TBC1D5: variants seen among roughly 807,000 people sequenced by gnomAD.
TBC1D5 encodes TBC1 domain family member 5, also known as TBC1 domain family, member 5.
Under a neutral mutation model 100.3 loss-of-function variants are expected in TBC1D5, and 75 were observed. The observed-to-expected ratio is 0.75, with a 90% confidence interval of 0.62 to 0.91. TBC1D5 has a LOEUF of 0.91. Ranked by LOEUF, TBC1D5 falls within the 40% of genes least tolerant of loss-of-function variation. TBC1D5 has a pLI of 0.00. For missense variants in TBC1D5, 910 were observed against 942.4 expected (o/e 0.97, Z 0.45); for synonymous variants, 323 against 325.6 (o/e 0.99, Z 0.09).
chr3:17,556,161 T>C (rs1255719411), intron 2 of TBC1D5, among the ~76,000 whole-genome samples: 2 of 152,032 alleles, frequency 1.3e-5, no homozygotes, highest in South Asian at 2.1e-4. Flanking sequence ...ACTACAGGTA[T>C]GTACCACCAC....
intron 2 of TBC1D5, among the ~76,000 whole-genome samples, chr3:17,579,205 C>T (rs2096676505): frequency 6.6e-6 from 1 of 151,932 alleles, no homozygotes; most frequent in Non-Finnish European, 1.5e-5. Context: ...GTTGTTCACA[C>T]TACAAACTAG....
At chr3:17,271,989 A>C (rs781140090) in intron 15 of TBC1D5, among the ~76,000 whole-genome samples, 1 of 152,216 alleles carries the variant, frequency 6.6e-6, no homozygotes, top group Non-Finnish European at 1.5e-5. Flanking sequence ...GAAAAGGGAA[A>C]TATCACCTAC....
chr3:17,404,753 T>G, exon 7 of TBC1D5: 1 of 1,608,166 alleles, frequency 6.2e-7, no homozygotes. Flanking sequence ...ACAACCTTCC[T>G]CGGGTTGGTA....
chr3:17,620,290 C>G (rs1297919704), intron 2 of TBC1D5, among the ~76,000 whole-genome samples: 4 of 152,292 alleles, frequency 2.6e-5, no homozygotes, highest in African/African-American at 9.6e-5. Flanking sequence ...TAGTATTTGC[C>G]CCTTCAACCA....
chr3:17,310,531 T>C (rs756234897), intron 13 of TBC1D5, among the ~76,000 whole-genome samples: 1 of 152,030 alleles, frequency 6.6e-6, no homozygotes, highest in Non-Finnish European at 1.5e-5. Context: ...GAAAGTTCTT[T>C]GTAAAGACCT....
chr3:17,719,365 A>G (rs1333787500), intron 1 of TBC1D5, among the ~76,000 whole-genome samples: 1 of 152,188 alleles, frequency 6.6e-6, no homozygotes, highest in Non-Finnish European at 1.5e-5. Context: ...CTGTTAGCAT[A>G]TTATTTATTT....
chr3:17,693,164 C>T (rs895294296), intron 1 of TBC1D5, among the ~76,000 whole-genome samples: 8 of 152,150 alleles, frequency 5.3e-5, no homozygotes, highest in East Asian at 3.9e-4. Context: ...CCCAGAGTGA[C>T]GGACGCAGAA....
chr3:17,458,251 G>C (rs754390749), intron 3 of TBC1D5, among the ~76,000 whole-genome samples: 1 of 151,992 alleles, frequency 6.6e-6, no homozygotes, highest in African/African-American at 2.4e-5. Context: ...AGGGGCTGAG[G>C]GTTTTTTCCC....
chr3:17,437,045 CTACACT>C (rs532825623), intron 3 of TBC1D5, among the ~76,000 whole-genome samples: 230 of 152,282 alleles, frequency 1.5e-3, no homozygotes, highest in Middle Eastern at 0.01. Context: ...CAGGAGAGCT[CTACACT>C]TATGAATTAA....
At chr3:17,598,420 A>T (rs1030079028) in intron 2 of TBC1D5, among the ~76,000 whole-genome samples, 3 of 152,344 alleles carry the variant, frequency 2.0e-5, no homozygotes, top group Admixed American at 2.0e-4. Context: ...AGCACTGTTC[A>T]TAACTTTGTT....
chr3:17,200,490 G>A (rs2071328586), intron 18 of TBC1D5, among the ~76,000 whole-genome samples: 1 of 152,220 alleles, frequency 6.6e-6, no homozygotes. Flanking sequence ...TGCTCCTTAT[G>A]AGAATCTAAT....
At chr3:17,558,765 C>T (rs1178010610) in intron 2 of TBC1D5, among the ~76,000 whole-genome samples, 3 of 152,160 alleles carry the variant, frequency 2.0e-5, no homozygotes, top group Non-Finnish European at 2.9e-5. Flanking sequence ...TAATAAGCAT[C>T]GCTGTGTTAC....
chr3:17,619,627 T>A (rs2062480979), intron 2 of TBC1D5, among the ~76,000 whole-genome samples: 1 of 152,202 alleles, frequency 6.6e-6, no homozygotes, highest in Non-Finnish European at 1.5e-5. Context: ...ATAAGAAAAC[T>A]ACAAGTACTT....
At position 17,461,934 on chromosome 3, in the gene TBC1D5, A is replaced by T. The variant is rs555559946; in HGVS notation, c.98-33415T>A. Among the ~76,000 whole-genome samples, 47 of 152,144 alleles carry T rather than the reference A, an allele frequency of 3.1e-4. 1 individual carries two copies. The South Asian group carries it at 9.4e-3, about 30-fold the overall frequency. ...CATTTCATTTCTGCTATCACATTTT[A>T]ATGTCTTATCATTTTCTCTCTCCAA... On this transcript the variant is annotated intron_variant, in intron 3 of 21. Transcript: ENST00000253692.
At chr3:17,494,049 T>A (rs1576346556) in intron 3 of TBC1D5, among the ~76,000 whole-genome samples, 1 of 152,316 alleles carries the variant, frequency 6.6e-6, no homozygotes, top group East Asian at 1.9e-4. Context: ...TTCTCATCTT[T>A]GTGGGTTTAT....
At chr3:17,392,193 G>C (rs756845503) in intron 8 of TBC1D5, among the ~76,000 whole-genome samples, 1 of 151,788 alleles carries the variant, frequency 6.6e-6, no homozygotes, top group Non-Finnish European at 1.5e-5. Flanking sequence ...TCAGACAAAA[G>C]GCCCTTAGAT....
chr3:17,348,596 G>GCCACTTT (rs1302783532), intron 13 of TBC1D5, among the ~76,000 whole-genome samples: 1 of 151,940 alleles, frequency 6.6e-6, no homozygotes, highest in Non-Finnish European at 1.5e-5. Context: ...GATTTCTCTT[G>GCCACTTT]CCACTTTCCA....
intron 15 of TBC1D5, among the ~76,000 whole-genome samples, chr3:17,266,658 T>G (rs1015270033): frequency 1.3e-5 from 2 of 152,214 alleles, no homozygotes; most frequent in South Asian, 4.1e-4. Flanking sequence ...GTGAATACAA[T>G]GCATCCATCA....
intron 19 of TBC1D5, among the ~76,000 whole-genome samples, chr3:17,174,527 A>G (rs1030891736): frequency 3.9e-5 from 6 of 152,030 alleles, no homozygotes; most frequent in Non-Finnish European, 8.8e-5. Flanking sequence ...TTACATATAC[A>G]TTGAACTCAA....
Sources: gnomAD v4.1 joint callset for allele counts (sites outside exome capture counted in the v4.1 genomes callset) on GRCh38, gnomAD v4.1.1 for gene constraint, MANE v1.5 for transcripts, NCBI Gene and HGNC (gene_info 2026-07-23, HGNC 2026-07-21) for gene names.